PPIP5K2: variants seen among roughly 807,000 people sequenced by gnomAD.
PPIP5K2 encodes the protein diphosphoinositol pentakisphosphate kinase 2, also known as inositol hexakisphosphate and diphosphoinositol-pentakisphosphate kinase 2.
Under a neutral mutation model 154.6 loss-of-function variants are expected in PPIP5K2, and 105 were observed. That is an observed-to-expected ratio of 0.68 (90% CI 0.58 to 0.80). The LOEUF is 0.80. PPIP5K2 is among the 30% of genes least tolerant of loss of function. The pLI, the probability that PPIP5K2 is intolerant of heterozygous loss-of-function variation, is 0.00. For synonymous variants in PPIP5K2, 480 were observed against 490.3 expected (o/e 0.98, Z 0.28); for missense variants, 992 against 1,504.6 (o/e 0.66, Z 5.64).
rs782168803 is a variant in PPIP5K2, at chr5:103,149,324, A to T, written c.906+11A>T. The T allele has an allele frequency of 1.2e-6, 2 of 1,609,740 alleles. No homozygotes were observed. Among genetic ancestry groups the T allele is most frequent in the Non-Finnish European group, 8.5e-7 (1 of 1,177,532 alleles). On this transcript the variant is annotated intron_variant, in intron 8 of 30. Coordinates refer to ENST00000358359, the MANE Select transcript of PPIP5K2 (RefSeq NM_001276277.3). The stretch of plus-strand genomic sequence containing the variant: ...TGCCTTGCTTTTAAGGTAAGATGTT[A>T]TACAGGCCTATAGATCCTTATAAAG...
chr5:103,156,406 A>AT (rs1795427981), intron 14 of PPIP5K2, among the ~76,000 whole-genome samples: 1 of 152,162 alleles, frequency 6.6e-6, no homozygotes, highest in Non-Finnish European at 1.5e-5. Flanking sequence ...ATAAATGGGT[A>AT]TTTTCTTCCA....
intron 19 of PPIP5K2, among the ~76,000 whole-genome samples, chr5:103,171,469 G>A (rs782034345): frequency 2.0e-5 from 3 of 151,344 alleles, no homozygotes; most frequent in Admixed American, 6.6e-5. Context: ...CTTTCAAGTC[G>A]CCTTAGCTGG....
At chr5:103,138,241 G>T in intron 4 of PPIP5K2, 143 bp from the exon 5 acceptor site, 1 of 395,706 alleles carries the variant, frequency 2.5e-6, no homozygotes, top group South Asian at 1.1e-4. Context: ...AGTGACATTT[G>T]TTTATTTAAA....
intron 17 of PPIP5K2, among the ~76,000 whole-genome samples, chr5:103,162,470 C>A (rs1372085218): frequency 3.3e-5 from 5 of 151,324 alleles, no homozygotes; most frequent in Admixed American, 1.3e-4. Context: ...TCAAGTGATT[C>A]TCCTGCCTCA....
At chr5:103,160,353 A>G (rs955295606) in intron 17 of PPIP5K2, among the ~76,000 whole-genome samples, 2 of 152,138 alleles carry the variant, frequency 1.3e-5, no homozygotes, top group Non-Finnish European at 2.9e-5. Flanking sequence ...ACTGTTTTCT[A>G]TAATGGCTCT....
intron 17 of PPIP5K2, among the ~76,000 whole-genome samples, chr5:103,163,630 A>G (rs958539764): frequency 1.3e-5 from 2 of 152,010 alleles, no homozygotes; most frequent in South Asian, 2.1e-4. Context: ...TACATTAAAT[A>G]TAAAGTTTTC....
rs956011654 is a variant in PPIP5K2 at position 103,208,619 on chromosome 5, C to T, written c.*6985C>T. The T allele has an allele frequency of 6.6e-6, 1 of 152,394 alleles. No homozygotes were observed. The highest frequency in any genetic ancestry group is 6.5e-5 in the Admixed American group (1 of 15,286). The allele number at this position is 152,394 out of a possible 1,614,324, so 9.4% of individuals were successfully genotyped here. A position where few individuals can be genotyped will look rare whatever the true frequency, so the allele number is the denominator to read the frequency against. ...TATTTTCTTCTTCAGCTTTGCCCCTCCTGCCACTGTACCAGACAATATCCA... is the reference window on the plus strand; with the variant it reads ...TATTTTCTTCTTCAGCTTTGCCCCTTCTGCCACTGTACCAGACAATATCCA... On this transcript the variant is annotated 3_prime_UTR_variant, in exon 31 of 31. Coordinates refer to ENST00000358359, the MANE Select transcript of PPIP5K2 (RefSeq NM_001276277.3).
chr5:103,184,792 T>G (rs1554224348), intron 26 of PPIP5K2, 48 bp downstream of exon 26: 3 of 1,437,438 alleles, frequency 2.1e-6, no homozygotes, highest in Non-Finnish European at 2.9e-6. Flanking sequence ...TTAAACTCAC[T>G]ATTGTGCACA....
Position 103,209,737 on chromosome 5 carries a change from AGGTG to A in PPIP5K2, c.*8113_*8116del, listed in dbSNP as rs1199491130. On this transcript the variant is annotated 3_prime_UTR_variant, in exon 31 of 31. Transcript: ENST00000358359. Reference sequence around the variant, plus strand: ...TGCTGAATAGAAAGCTTGATGATAAAGGTGGGTGGGTGGATGGATGGATGGATGA... The same window carrying A: ...TGCTGAATAGAAAGCTTGATGATAAAGGTGGGTGGATGGATGGATGGATGA... 6.6e-6 allele frequency: 1 copy of A among 152,128 alleles called. No individual in the cohort carries two copies. Among genetic ancestry groups the A allele is most frequent in the Non-Finnish European group, 1.5e-5 (1 of 68,018 alleles). 9.4% of individuals were successfully genotyped at this position (152,128 alleles called of 1,614,324 possible). A position where few individuals can be genotyped will look rare whatever the true frequency, so the allele number is the denominator to read the frequency against.
chr5:103,207,220 A>G lies in PPIP5K2; in HGVS notation c.*5586A>G, dbSNP rs1336446528. ...TGTAATTGCTTATGGTCAGGCCTGA[A>G]AGATCACACATCAGACTTTGGCCTG... On this transcript the variant is annotated 3_prime_UTR_variant, in exon 31 of 31. Coordinates refer to ENST00000358359, the MANE Select transcript of PPIP5K2 (RefSeq NM_001276277.3). The G allele has an allele frequency of 2.0e-5, 3 of 152,206 alleles. No homozygotes were observed. The highest frequency in any genetic ancestry group is 4.4e-5 in the Non-Finnish European group (3 of 68,036). The allele number at this position is 152,206 out of a possible 1,614,324, so 9.4% of individuals were successfully genotyped here.
chr5:103,201,541 T>C lies in PPIP5K2; in HGVS notation c.3639T>C (p.Ser1213=), dbSNP rs782233003. ...SSKPATSGPS[S]AVVPNTSSRK... is the part of the protein sequence containing the mutation. The stretch of plus-strand genomic sequence containing the variant: ...ATGTAGCTACAAGTGGACCTTCTAG[T>C]GCAGTTGTTCCTAATACCTCATCTC... The change falls in exon 31 of 31, where the codon AGT becomes AGC. Residue 1213 remains serine, a synonymous_variant. Coordinates refer to ENST00000358359, the MANE Select transcript of PPIP5K2 (RefSeq NM_001276277.3). 6.2e-7 allele frequency: 1 copy of C among 1,604,494 alleles called. No homozygotes were observed. The highest frequency in any genetic ancestry group is 1.1e-5 in the South Asian group (1 of 88,938).
chr5:103,188,855 A>C, intron 28 of PPIP5K2: 1 of 241,732 alleles, frequency 4.1e-6, no homozygotes, highest in Non-Finnish European at 7.8e-6. Context: ...CCTTTGGTTT[A>C]GGCTCTTTTT....
Position 103,126,280 on chromosome 5 carries a change from A to T in PPIP5K2, c.-284-3026A>T, listed in dbSNP as rs185917178. Among the ~76,000 whole-genome samples the T allele has an allele frequency of 1.3e-3, 202 of 152,322 alleles. 1 individual carries two copies. The highest frequency in any genetic ancestry group is 4.7e-3 in the African/African-American group (195 of 41,576). On this transcript the variant is annotated intron_variant, in intron 1 of 30. Coordinates refer to ENST00000358359, the MANE Select transcript of PPIP5K2 (RefSeq NM_001276277.3). ...CTAAGGTCATAATCAAATGAGGGAC[A>T]TATATCTATATACTTCATACAGCAT...
At chr5:103,161,738 G>A (rs1796286667) in intron 17 of PPIP5K2, among the ~76,000 whole-genome samples, 1 of 152,182 alleles carries the variant, frequency 6.6e-6, no homozygotes, top group Non-Finnish European at 1.5e-5. Flanking sequence ...TCTGTTGGCT[G>A]CATAAATGTC....
intron 18 of PPIP5K2, among the ~76,000 whole-genome samples, 189 bp from the exon 19 acceptor site, chr5:103,167,883 T>C (rs1202639064): frequency 1.3e-5 from 2 of 151,944 alleles, no homozygotes; most frequent in African/African-American, 2.4e-5. Flanking sequence ...GGAAAAAGTC[T>C]AAGCCTAGTT....
chr5:103,177,843 A>C, intron 22 of PPIP5K2, 21 bp from the exon 23 acceptor site: 1 of 1,601,762 alleles, frequency 6.2e-7, no homozygotes, highest in African/African-American at 1.3e-5. Flanking sequence ...CATTTTGAAA[A>C]TGTTCTGTCA....
At chr5:103,174,050 G>T (rs539288055) in intron 21 of PPIP5K2, 78 bp downstream of exon 21, 1 of 1,113,866 alleles carries the variant, frequency 9.0e-7, no homozygotes, top group Non-Finnish European at 1.3e-6. Flanking sequence ...TTTTTACTGT[G>T]AAATTTTAGT....
At chr5:103,189,942 G>C (rs1038326267) in intron 28 of PPIP5K2, among the ~76,000 whole-genome samples, 3 of 151,946 alleles carry the variant, frequency 2.0e-5, no homozygotes, top group African/African-American at 7.2e-5. Flanking sequence ...AAATTAATTT[G>C]AATTTTTGGA....
chr5:103,149,253 C>G lies in PPIP5K2; in HGVS notation c.846C>G (p.Tyr282Ter). The G allele has an allele frequency of 6.2e-7, 1 of 1,613,776 alleles. No individual in the cohort carries two copies. The highest frequency in any genetic ancestry group is 8.5e-7 in the Non-Finnish European group (1 of 1,179,846). The change falls in exon 8 of 31, where the codon TAC becomes TAG. Residue 282 changes from tyrosine to a stop codon, truncating the protein, a stop_gained. Coordinates refer to ENST00000358359, the MANE Select transcript of PPIP5K2 (RefSeq NM_001276277.3). LOFTEE classifies it high-confidence loss of function. ...ACAGTGAAGGAAAAGAAGTAAGATA[C>G]CCTGTTATTCTCAATGCACGAGAGA... Reference protein sequence around the residue: ...ERDSEGKEVRYPVILNAREKL... With the variant: ...ERDSEGKEVR
Sources: allele counts gnomAD v4.1 joint callset (sites outside exome capture counted in the v4.1 genomes callset), GRCh38; gene constraint gnomAD v4.1.1; transcripts MANE v1.5; gene names NCBI Gene and HGNC (gene_info 2026-07-23, HGNC 2026-07-21).